The following SNTG1 variants were observed in gnomAD, a reference collection of about 807,000 sequenced individuals.
SNTG1 encodes syntrophin gamma 1.
Under a neutral mutation model 74.7 loss-of-function variants are expected in SNTG1, and 39 were observed. That is an observed-to-expected ratio of 0.52 (90% CI 0.40 to 0.68). SNTG1 has a LOEUF of 0.68. Among genes scored for constraint, SNTG1 ranks in the 30% least tolerant of loss-of-function variants. SNTG1 has a pLI of 0.00. For missense variants in SNTG1, 685 were observed against 609.5 expected, an observed-to-expected ratio of 1.12 and a Z score of -1.30; for synonymous variants, 254 against 217.1, an observed-to-expected ratio of 1.17 and a Z score of -1.49.
intron 14 of SNTG1, among the ~76,000 whole-genome samples, chr8:50,658,358 A>G (rs2095196751): frequency 1.3e-5 from 2 of 152,176 alleles, no homozygotes; most frequent in Admixed American, 6.6e-5. Flanking sequence ...GCAAATGAGA[A>G]CTGTTGCACA....
intron 17 of SNTG1, among the ~76,000 whole-genome samples, chr8:50,733,619 A>G (rs2095518403): frequency 6.6e-6 from 1 of 152,036 alleles, no homozygotes; most frequent in East Asian, 1.9e-4. Context: ...AATAATAGCC[A>G]TTTTGACAAG....
At chr8:50,027,572 G>A (rs1410109064) in intron 1 of SNTG1, among the ~76,000 whole-genome samples, 1 of 152,200 alleles carries the variant, frequency 6.6e-6, no homozygotes, top group Non-Finnish European at 1.5e-5. Flanking sequence ...GAGTGATGCT[G>A]CTGCCAGCCA....
intron 5 of SNTG1, among the ~76,000 whole-genome samples, chr8:50,442,199 T>G (rs544436154): frequency 7.8e-4 from 119 of 152,294 alleles, no homozygotes; most frequent in African/African-American, 2.8e-3. Flanking sequence ...GAATGTCCCT[T>G]CCTGGTTGTG....
At chr8:50,350,783 T>A (rs2091634677) in intron 2 of SNTG1, among the ~76,000 whole-genome samples, 1 of 152,162 alleles carries the variant, frequency 6.6e-6, no homozygotes, top group African/African-American at 2.4e-5. Flanking sequence ...AGAACTTTTG[T>A]GTCTAGCTCA....
intron 15 of SNTG1, among the ~76,000 whole-genome samples, chr8:50,681,832 G>T (rs181937303): frequency 3.9e-5 from 6 of 152,292 alleles, no homozygotes; most frequent in Non-Finnish European, 8.8e-5. Context: ...GTGCCTTCTG[G>T]ATGATTCCAT....
chr8:50,106,787 C>T (rs978295861), intron 1 of SNTG1, among the ~76,000 whole-genome samples: 1 of 152,112 alleles, frequency 6.6e-6, no homozygotes, highest in Non-Finnish European at 1.5e-5. Context: ...TTGTGTTTGA[C>T]AACTCACCTT....
intron 1 of SNTG1, among the ~76,000 whole-genome samples, chr8:49,962,131 G>A (rs1810743383): frequency 6.6e-6 from 1 of 152,072 alleles, no homozygotes; most frequent in Non-Finnish European, 1.5e-5. Context: ...AAGGTCAGAG[G>A]TGGAGAGGAA....
chr8:50,638,148 T>C (rs2095050686), intron 13 of SNTG1, among the ~76,000 whole-genome samples: 1 of 152,068 alleles, frequency 6.6e-6, no homozygotes, highest in Non-Finnish European at 1.5e-5. Context: ...AAGGAGTGCA[T>C]GCAGTCTCTA....
At chr8:50,007,564 G>A (rs1815357923) in intron 1 of SNTG1, among the ~76,000 whole-genome samples, 1 of 152,104 alleles carries the variant, frequency 6.6e-6, no homozygotes, top group African/African-American at 2.4e-5. Flanking sequence ...AATTTTAAAG[G>A]TCAGAAAGGT....
intron 13 of SNTG1, among the ~76,000 whole-genome samples, chr8:50,601,586 G>A (rs1001711050): frequency 4.6e-5 from 7 of 152,180 alleles, no homozygotes; most frequent in Admixed American, 4.6e-4. Context: ...GGAGAAGAAT[G>A]TTTATTCTGA....
At chr8:50,282,070 G>A (rs757143400) in intron 2 of SNTG1, among the ~76,000 whole-genome samples, 8 of 152,120 alleles carry the variant, frequency 5.3e-5, no homozygotes, top group Non-Finnish European at 1.2e-4. Context: ...AGGTCAGCCT[G>A]ACCATAAACG....
At chr8:50,561,108 G>T (rs1340469574) in intron 12 of SNTG1, among the ~76,000 whole-genome samples, 4 of 152,102 alleles carry the variant, frequency 2.6e-5, no homozygotes, top group Non-Finnish European at 5.9e-5. Flanking sequence ...GAGGTGATTG[G>T]ATCATGGGAG....
intron 2 of SNTG1, among the ~76,000 whole-genome samples, chr8:50,215,479 C>A (rs891640941): frequency 3.6e-5 from 5 of 139,666 alleles, no homozygotes; most frequent in Non-Finnish European, 8.0e-5. Context: ...TATATATAGA[C>A]TATATATATA....
intron 8 of SNTG1, among the ~76,000 whole-genome samples, chr8:50,485,284 G>A (rs957563967): frequency 6.6e-6 from 1 of 152,166 alleles, no homozygotes; most frequent in Non-Finnish European, 1.5e-5. Flanking sequence ...CCACATTTCA[G>A]TGATGTCAGT....
intron 1 of SNTG1, among the ~76,000 whole-genome samples, chr8:49,986,706 C>G (rs1284536691): frequency 2.1e-5 from 2 of 94,158 alleles, no homozygotes; most frequent in Non-Finnish European, 4.0e-5. Context: ...GACCTCATCT[C>G]TACAAAAAGT....
Position 50,553,050 on chromosome 8 carries a change from G to A in SNTG1, c.681G>A (p.Arg227=), listed in dbSNP as rs2130606945. Residue 227 remains arginine (R), a splice_region_variant and synonymous_variant, in exon 12 of 19, where the codon CGG becomes CGA. Transcript: ENST00000642720. ...SQYVPGTDLS[R]QNAFQVIAVD... is the part of the protein sequence containing the mutation. ...TCTGATTTGTTCTGAACATCTGCAGGCAGAATGCCTTTCAAGTCATTGCTG... is the reference window on the plus strand; with the variant it reads ...TCTGATTTGTTCTGAACATCTGCAGACAGAATGCCTTTCAAGTCATTGCTG... 2 of 1,613,762 alleles carry A rather than the reference G, an allele frequency of 1.2e-6. No individual in the cohort carries two copies. Among genetic ancestry groups the A allele is most frequent in the East Asian group, 4.5e-5 (2 of 44,860 alleles).
chr8:50,509,347 C>G (rs771195313), intron 9 of SNTG1, among the ~76,000 whole-genome samples: 1 of 152,102 alleles, frequency 6.6e-6, no homozygotes, highest in Non-Finnish European at 1.5e-5. Context: ...AGTCAGGTAG[C>G]GTGATGCCTC....
In SNTG1 at chr8:50,199,200, C is replaced by T. The variant is rs115060598; in HGVS notation, c.-28+26565C>T. Among the ~76,000 whole-genome samples, 692 of 149,416 alleles carry T rather than the reference C, an allele frequency of 4.6e-3. 10 individuals are homozygous for T. The highest frequency in any genetic ancestry group is 0.014 in the African/African-American group (589 of 40,652). ...AAAACTGTTGAATGTTGAAACACAA[C>T]GATTAGGACTTAATTTCCTTTTTTT... On this transcript the variant is annotated intron_variant, in intron 2 of 18. Transcript: ENST00000642720.
intron 1 of SNTG1, among the ~76,000 whole-genome samples, chr8:50,071,961 A>G (rs980889116): frequency 6.6e-6 from 1 of 152,224 alleles, no homozygotes; most frequent in African/African-American, 2.4e-5. Context: ...ATTAAAGAAT[A>G]CTATTTTCTT....
Sources: allele counts gnomAD v4.1 joint callset (sites outside exome capture counted in the v4.1 genomes callset), GRCh38; gene constraint gnomAD v4.1.1; transcripts MANE v1.5; gene names NCBI Gene and HGNC (gene_info 2026-07-23, HGNC 2026-07-21).